FLVCR2: variants seen among roughly 807,000 people sequenced by gnomAD.
The protein encoded by FLVCR2 is FLVCR choline and putative heme transporter 2, also known as choline/ethanolamine transporter FLVCR2.
In FLVCR2, 38 loss-of-function variants were observed where a neutral mutation model predicts 48.9. The observed-to-expected ratio is 0.78, with a 90% CI of 0.60 to 1.02. The LOEUF (loss-of-function observed/expected upper bound fraction) is 1.02. Ranked by LOEUF, FLVCR2 falls within the 50% of genes least tolerant of loss-of-function variation. The probability of loss-of-function intolerance (pLI) is 0.00; values close to 1 mark genes in which losing one functional copy is unlikely to be tolerated. For synonymous variants in FLVCR2, 255 were observed against 257.0 expected, an observed-to-expected ratio of 0.99 and a Z score of 0.07; for missense variants, 664 against 663.3, an observed-to-expected ratio of 1.00 and a Z score of -0.01.
intron 1 of FLVCR2, among the ~76,000 whole-genome samples, chr14:75,601,558 A>T (rs796355637): frequency 5.3e-5 from 8 of 152,350 alleles, no homozygotes; most frequent in African/African-American, 1.9e-4. Context: ...ATGTGAAGAC[A>T]TTGGAACTCT....
rs1594808817 is a variant in FLVCR2, at chr14:75,624,904, G to A, written c.952+152G>A. The A allele has an allele frequency of 1.4e-5, 12 of 877,092 alleles. No individual in the cohort carries two copies. The East Asian group carries it at 3.1e-4, about 23-fold the overall frequency. 54.3% of individuals were successfully genotyped at this position (877,092 alleles called of 1,614,324 possible). A position where few individuals can be genotyped will look rare whatever the true frequency, so the allele number is the denominator to read the frequency against. ...CCAGAGGACCCAGCTATGCCCAAGG[G>A]CCTTTGCATGTGTTGTAAAGTCCAC... On this transcript the variant is annotated intron_variant, in intron 3 of 9. Coordinates refer to ENST00000238667, the MANE Select transcript of FLVCR2 (RefSeq NM_017791.3).
intron 1 of FLVCR2, among the ~76,000 whole-genome samples, chr14:75,609,737 T>A (rs938751830): frequency 6.6e-6 from 1 of 152,184 alleles, no homozygotes; most frequent in African/African-American, 2.4e-5. Flanking sequence ...AGAAAGTCCA[T>A]CCAGATTTAG....
At chr14:75,589,600 A>G (rs538499600) in intron 1 of FLVCR2, among the ~76,000 whole-genome samples, 6 of 152,092 alleles carry the variant, frequency 3.9e-5, no homozygotes, top group African/African-American at 1.4e-4. Flanking sequence ...TGATAGCCAC[A>G]CTTCCATGGC....
At chr14:75,616,540 A>G (rs964080467) in intron 1 of FLVCR2, among the ~76,000 whole-genome samples, 2 of 152,086 alleles carry the variant, frequency 1.3e-5, no homozygotes, top group Admixed American at 6.5e-5. Flanking sequence ...TGGAGTATGG[A>G]CTTTTTTGAC....
chr14:75,578,840 G>A lies in FLVCR2; in HGVS notation c.-133G>A, dbSNP rs1364456180. ...AGGAAGCCCCACTTGAGGCTTTTACGCAGCCTCTAGTCTCTGTTTCTTCTG... is the reference window on the plus strand; with the variant it reads ...AGGAAGCCCCACTTGAGGCTTTTACACAGCCTCTAGTCTCTGTTTCTTCTG... On this transcript the variant is annotated 5_prime_UTR_variant, in exon 1 of 10. Coordinates refer to ENST00000238667, the MANE Select transcript of FLVCR2 (RefSeq NM_017791.3). 6 of 827,576 alleles carry A rather than the reference G, an allele frequency of 7.3e-6. No individual in the cohort carries two copies. The highest frequency in any genetic ancestry group is 2.1e-5 in the Admixed American group (1 of 47,338). The allele number at this position is 827,576 out of a possible 1,614,324, so 51.3% of individuals were successfully genotyped here.
At chr14:75,595,703 T>C in intron 1 of FLVCR2, 1 of 606,004 alleles carries the variant, frequency 1.7e-6, no homozygotes, top group East Asian at 2.7e-5. Flanking sequence ...GACTGTCTAC[T>C]TTTTGTTTGT....
At chr14:75,629,432 T>C (rs147806764) in intron 3 of FLVCR2, among the ~76,000 whole-genome samples, 5 of 152,324 alleles carry the variant, frequency 3.3e-5, no homozygotes, top group Admixed American at 6.5e-5. Flanking sequence ...ACCCTTCCTC[T>C]CTCCTTTAAC....
intron 1 of FLVCR2, among the ~76,000 whole-genome samples, chr14:75,614,555 A>G (rs1313373179): frequency 6.6e-6 from 1 of 152,198 alleles, no homozygotes; most frequent in Non-Finnish European, 1.5e-5. Context: ...TATAGACGAG[A>G]TGATGGGAAG....
intron 3 of FLVCR2, among the ~76,000 whole-genome samples, chr14:75,625,948 A>C (rs1889890740): frequency 6.6e-6 from 1 of 151,986 alleles, no homozygotes; most frequent in African/African-American, 2.4e-5. Flanking sequence ...GCAGAGCCAG[A>C]GTTCAAATAC....
At chr14:75,645,033 G>GGGGTGTGTGTGTGTGTGT (rs1433999747) in intron 9 of FLVCR2, among the ~76,000 whole-genome samples, 1 of 13,066 alleles carries the variant, frequency 7.7e-5, no homozygotes, top group African/African-American at 1.3e-4. Context: ...AGGCGGGCGT[G>GGGGTGTGTGTGTGTGTGT]GTGTGTGTGT....
chr14:75,640,843 C>A, intron 6 of FLVCR2, 112 bp from the exon 7 acceptor site: 1 of 781,310 alleles, frequency 1.3e-6, no homozygotes. Flanking sequence ...CCTAGTATGT[C>A]TTGGTGGGAA....
At chr14:75,580,948 A>G (rs1172415136) in intron 1 of FLVCR2, among the ~76,000 whole-genome samples, 2 of 152,192 alleles carry the variant, frequency 1.3e-5, no homozygotes, top group Non-Finnish European at 1.5e-5. Context: ...TCTTATATTA[A>G]TAAGAAAAGC....
At chr14:75,593,858 G>T (rs749162427) in intron 1 of FLVCR2, among the ~76,000 whole-genome samples, 1 of 151,954 alleles carries the variant, frequency 6.6e-6, no homozygotes, top group South Asian at 2.1e-4. Flanking sequence ...TTTCTCCTAC[G>T]GACACTTTTT....
intron 1 of FLVCR2, among the ~76,000 whole-genome samples, chr14:75,614,543 G>T (rs1889558589): frequency 6.6e-6 from 1 of 152,156 alleles, no homozygotes; most frequent in African/African-American, 2.4e-5. Flanking sequence ...TTGGGATAAA[G>T]GTATAGACGA....
chr14:75,641,240 A>G lies in FLVCR2; in HGVS notation c.1400A>G (p.Lys467Arg). 1 of 1,614,032 alleles carries G rather than the reference A, an allele frequency of 6.2e-7. No homozygotes were observed. The highest frequency in any genetic ancestry group is 1.1e-5 in the South Asian group (1 of 91,056). ...QGQIIDNYGT[K>R]PGNIFLCVFL... is the part of the protein sequence containing the mutation. Reference sequence around the variant, plus strand: ...CAGATTATTGACAACTATGGAACCAAGCCTGGGAACATCTTCCTGTGTGTG... The same window carrying G: ...CAGATTATTGACAACTATGGAACCAGGCCTGGGAACATCTTCCTGTGTGTG... The change falls in exon 8 of 10, where the codon AAG becomes AGG. Residue 467 changes from lysine to arginine, a missense_variant. Lys to Arg is a conservative substitution (Grantham distance 26). Coordinates refer to ENST00000238667, the MANE Select transcript of FLVCR2 (RefSeq NM_017791.3).
chr14:75,595,744 A>G (rs1253802594), intron 1 of FLVCR2: 3 of 644,528 alleles, frequency 4.7e-6, no homozygotes, highest in Non-Finnish European at 8.4e-6. Flanking sequence ...GAAAGTGTTT[A>G]GTTTATTAAT....
At chr14:75,587,458 G>A (rs1888778962) in intron 1 of FLVCR2, among the ~76,000 whole-genome samples, 2 of 152,204 alleles carry the variant, frequency 1.3e-5, no homozygotes, top group Non-Finnish European at 2.9e-5. Flanking sequence ...GTTGCTGCTA[G>A]AGGGCTGATT....
chr14:75,636,994 G>A (rs992323033), intron 5 of FLVCR2, among the ~76,000 whole-genome samples: 1 of 152,168 alleles, frequency 6.6e-6, no homozygotes, highest in Non-Finnish European at 1.5e-5. Context: ...GAGCGTGAAG[G>A]GAGGAGGAAG....
intron 1 of FLVCR2, among the ~76,000 whole-genome samples, chr14:75,613,148 T>A (rs1471317241): frequency 6.6e-6 from 1 of 152,134 alleles, no homozygotes; most frequent in Non-Finnish European, 1.5e-5. Flanking sequence ...GAGCTTGTGT[T>A]AGTCCATTTT....
Sources: allele counts gnomAD v4.1 joint callset (sites outside exome capture counted in the v4.1 genomes callset), GRCh38; gene constraint gnomAD v4.1.1; transcripts MANE v1.5; gene names NCBI Gene and HGNC (gene_info 2026-07-23, HGNC 2026-07-21).